The following SMARCC1 variants were observed in gnomAD, a reference collection of about 807,000 sequenced individuals.
SMARCC1 encodes the protein SWI/SNF complex subunit SMARCC1.
Under a neutral mutation model 147.4 loss-of-function variants are expected in SMARCC1, and 43 were observed. The observed-to-expected ratio is 0.29, with a 90% CI of 0.23 to 0.38. The LOEUF (loss-of-function observed/expected upper bound fraction) is 0.38. Among genes scored for constraint, SMARCC1 ranks in the 10% least tolerant of loss-of-function variants. The probability of loss-of-function intolerance (pLI) is 1.00; values close to 1 mark genes in which losing one functional copy is unlikely to be tolerated. For missense variants in SMARCC1, 1,119 were observed against 1,381.1 expected (o/e 0.81, Z 3.01); for synonymous variants, 495 against 484.4 (o/e 1.02, Z -0.29).
intron 25 of SMARCC1, among the ~76,000 whole-genome samples, chr3:47,615,354 T>G (rs569316072): frequency 1.5e-4 from 23 of 152,292 alleles, no homozygotes; most frequent in Admixed American, 3.9e-4. Context: ...AATGAACAAA[T>G]AAATCATTTT....
chr3:47,757,677 G>C (rs921431683), intron 2 of SMARCC1, among the ~76,000 whole-genome samples: 2 of 151,774 alleles, frequency 1.3e-5, no homozygotes, highest in African/African-American at 2.4e-5. Flanking sequence ...CCAGCTACTC[G>C]GGAGGCTGAG....
intron 18 of SMARCC1, among the ~76,000 whole-genome samples, chr3:47,673,120 C>A (rs1224491878): frequency 6.6e-6 from 1 of 151,938 alleles, no homozygotes; most frequent in Non-Finnish European, 1.5e-5. Context: ...CATGGTGGTT[C>A]ATGCTTGTAA....
chr3:47,638,828 A>C, intron 21 of SMARCC1, 48 bp from the exon 22 acceptor site: 1 of 1,305,638 alleles, frequency 7.7e-7, no homozygotes, highest in Non-Finnish European at 1.1e-6. Flanking sequence ...GAAAAAGGTA[A>C]AAGCTATTAT....
chr3:47,609,060 T>C (rs1207884541), intron 26 of SMARCC1, among the ~76,000 whole-genome samples: 3 of 152,234 alleles, frequency 2.0e-5, no homozygotes, highest in Non-Finnish European at 4.4e-5. Flanking sequence ...AATTATTACA[T>C]AGATTTTTAA....
At chr3:47,772,641 C>G (rs2034928662) in intron 2 of SMARCC1, among the ~76,000 whole-genome samples, 176 bp downstream of exon 2, 1 of 151,612 alleles carries the variant, frequency 6.6e-6, no homozygotes, top group Non-Finnish European at 1.5e-5. Flanking sequence ...AATGCCTCTT[C>G]AAAAAGCAGC....
intron 24 of SMARCC1, among the ~76,000 whole-genome samples, chr3:47,628,059 A>T (rs12497826): frequency 0.61 from 92,722 of 150,984 alleles, 29,569 homozygotes; most frequent in East Asian, 0.73. Context: ...ATATATATAT[A>T]TTTTTTCTTT....
intron 26 of SMARCC1, among the ~76,000 whole-genome samples, chr3:47,599,691 G>A (rs1251387650): frequency 2.0e-5 from 3 of 152,212 alleles, no homozygotes. Context: ...CAGGTGCTCA[G>A]AGACGACGTG....
chr3:47,672,327 G>C (rs1218282222), intron 18 of SMARCC1, among the ~76,000 whole-genome samples: 1 of 151,858 alleles, frequency 6.6e-6, no homozygotes, highest in African/African-American at 2.4e-5. Context: ...CCATTCTCCT[G>C]CCTCAGCCGC....
chr3:47,678,405 TACA>T (rs1226873866), intron 15 of SMARCC1, 94 bp from the exon 16 acceptor site: 3 of 556,940 alleles, frequency 5.4e-6, no homozygotes, highest in South Asian at 3.1e-5. Flanking sequence ...TCCTTAAAAA[TACA>T]ACAACAAATT....
intron 24 of SMARCC1, among the ~76,000 whole-genome samples, chr3:47,628,482 T>G (rs938556526): frequency 5.3e-5 from 8 of 152,084 alleles, no homozygotes; most frequent in African/African-American, 1.9e-4. Flanking sequence ...AGGCAAAAAT[T>G]GGGGGCTTTG....
chr3:47,634,103 G>C (rs1277673305), intron 24 of SMARCC1, among the ~76,000 whole-genome samples: 3 of 152,104 alleles, frequency 2.0e-5, no homozygotes, highest in African/African-American at 7.2e-5. Flanking sequence ...ATTAGCTAAA[G>C]AATCAGACAG....
rs775759680 is a variant in SMARCC1 at position 47,671,173 on chromosome 3, C to CAAAA, written c.1840-460_1840-457dup. ...CCTGGGCAACAGAGCGAGACTATCTCAAAAAAAAAAAAAAAAAAAAAAAAA... is the reference window on the plus strand; with the variant it reads ...CCTGGGCAACAGAGCGAGACTATCTCAAAAAAAAAAAAAAAAAAAAAAAAAAAAA... On this transcript the variant is annotated intron_variant, in intron 18 of 27. Transcript: ENST00000254480. 1.8e-3 allele frequency among the ~76,000 whole-genome samples: 52 copies of CAAAA among 29,232 alleles called. 4 individuals are homozygous for CAAAA. Among genetic ancestry groups the CAAAA allele is most frequent in the African/African-American group, 7.4e-3 (45 of 6,084 alleles). 19.2% of individuals were successfully genotyped at this position (29,232 alleles called of 152,430 possible).
rs771254052 is a variant in SMARCC1 at position 47,686,174 on chromosome 3, T to A, written c.1264-4A>T. 1 of 1,609,780 alleles carries A rather than the reference T, an allele frequency of 6.2e-7. No homozygotes were observed. The highest frequency in any genetic ancestry group is 8.5e-7 in the Non-Finnish European group (1 of 1,177,098). Reference sequence around the variant, plus strand: ...CTTTGGCAGGATCTTCATCTTCCTATAGAAAAGAAGACAAAGTTCAAAGAA... The same window carrying A: ...CTTTGGCAGGATCTTCATCTTCCTAAAGAAAAGAAGACAAAGTTCAAAGAA... On this transcript the variant is annotated splice_polypyrimidine_tract_variant and splice_region_variant and intron_variant, in intron 13 of 27. Coordinates refer to ENST00000254480, the MANE Select transcript of SMARCC1 (RefSeq NM_003074.4).
At chr3:47,726,061 C>CAAAAA (rs546659321) in intron 6 of SMARCC1, among the ~76,000 whole-genome samples, 15 of 50,782 alleles carry the variant, frequency 3.0e-4, no homozygotes, top group African/African-American at 8.5e-4. Context: ...GACTCTGTCT[C>CAAAAA]AAAAAAAAAA....
chr3:47,675,735 C>T lies in SMARCC1; in HGVS notation c.1726-147G>A, dbSNP rs1259542405. The T allele has an allele frequency of 5.7e-6, 3 of 522,952 alleles. No individual in the cohort carries two copies. In the African/African-American group the frequency reaches 5.9e-5, roughly 10 times the overall value. 32.4% of individuals were successfully genotyped at this position (522,952 alleles called of 1,614,324 possible). A position where few individuals can be genotyped will look rare whatever the true frequency, so the allele number is the denominator to read the frequency against. The stretch of plus-strand genomic sequence containing the variant: ...GGCCGAGGCAGGCGGATCACAAGGT[C>T]AGGAGTTCAAGACCAGCCTGACCAA... On this transcript the variant is annotated intron_variant, in intron 17 of 27. Coordinates refer to ENST00000254480, the MANE Select transcript of SMARCC1 (RefSeq NM_003074.4).
intron 25 of SMARCC1, among the ~76,000 whole-genome samples, chr3:47,617,262 G>A (rs1009486260): frequency 2.2e-4 from 33 of 152,218 alleles, no homozygotes; most frequent in Non-Finnish European, 7.3e-5. Context: ...AATGTAAGAA[G>A]GGCTAACAAA....
Position 47,633,784 on chromosome 3 carries a change from AC to A in SMARCC1, c.2646+1405del, listed in dbSNP as rs2032930967. On this transcript the variant is annotated intron_variant, in intron 24 of 27. Transcript: ENST00000254480. ...AAAAAATATATATATATATATACAC[AC>A]ACACACACACACACACACACACACA... 5.8e-5 allele frequency among the ~76,000 whole-genome samples: 2 copies of A among 34,538 alleles called. 1 individual carries two copies. Among genetic ancestry groups the A allele is most frequent in the Admixed American group, 6.7e-4 (2 of 2,976 alleles). The allele number at this position is 34,538 out of a possible 152,430, so 22.7% of individuals were successfully genotyped here. A position where few individuals can be genotyped will look rare whatever the true frequency, so the allele number is the denominator to read the frequency against.
intron 5 of SMARCC1, among the ~76,000 whole-genome samples, chr3:47,729,728 A>T (rs1477644161): frequency 6.6e-6 from 1 of 152,186 alleles, no homozygotes. Context: ...GTCATCACAA[A>T]TTATCATTAC....
chr3:47,612,504 G>A (rs2032577506), intron 25 of SMARCC1, among the ~76,000 whole-genome samples: 1 of 152,170 alleles, frequency 6.6e-6, no homozygotes, highest in African/African-American at 2.4e-5. Flanking sequence ...GCATTACCTA[G>A]CTGAATTTTG....
Sources: allele counts gnomAD v4.1 joint callset (sites outside exome capture counted in the v4.1 genomes callset), GRCh38; gene constraint gnomAD v4.1.1; transcripts MANE v1.5; gene names NCBI Gene and HGNC (gene_info 2026-07-23, HGNC 2026-07-21).